The following SLC35F3 variants were observed in gnomAD, a reference collection of about 807,000 sequenced individuals.
SLC35F3 encodes solute carrier family 35 member F3.
A neutral mutation model predicts 49.9 loss-of-function variants in SLC35F3; 25 were observed. The ratio of observed to expected loss-of-function variants is 0.50; its 90% CI spans 0.37 to 0.70. The LOEUF (loss-of-function observed/expected upper bound fraction) is 0.70, where lower values mean the gene tolerates loss of function less well. Among genes scored for constraint, SLC35F3 ranks in the 30% least tolerant of loss-of-function variants. The pLI, the probability that SLC35F3 is intolerant of heterozygous loss-of-function variation, is 0.00. For missense variants in SLC35F3, 525 were observed against 639.8 expected, an observed-to-expected ratio of 0.82 and a Z score of 1.94; for synonymous variants, 275 against 265.4, an observed-to-expected ratio of 1.04 and a Z score of -0.35.
chr1:234,145,349 CCAA>C (rs1558241822), intron 2 of SLC35F3, among the ~76,000 whole-genome samples: 2 of 152,166 alleles, frequency 1.3e-5, no homozygotes, highest in African/African-American at 2.4e-5. Context: ...AACTAGTCAT[CCAA>C]CACAGTCTTC....
rs192324743 is a variant in SLC35F3 at position 233,914,055 on chromosome 1, C to G, written c.283+8297C>G. On this transcript the variant is annotated intron_variant, in intron 2 of 7. Transcript: ENST00000366618. ...GAGCAGGCACCTTTGGAATGGCTTC[C>G]CAGCTCAAGACCCCTTAACTGCCCT... Among the ~76,000 whole-genome samples the G allele has an allele frequency of 8.7e-4, 132 of 152,206 alleles. 1 individual carries two copies. Among genetic ancestry groups the G allele is most frequent in the African/African-American group, 3.0e-3 (124 of 41,522 alleles).
chr1:234,092,177 C>T (rs1301830662), intron 2 of SLC35F3, among the ~76,000 whole-genome samples: 1 of 152,200 alleles, frequency 6.6e-6, no homozygotes, highest in African/African-American at 2.4e-5. Context: ...GTTCCAAAAA[C>T]ATTCTGCCAG....
intron 3 of SLC35F3, among the ~76,000 whole-genome samples, chr1:234,273,438 G>C (rs1215907448): frequency 6.6e-6 from 1 of 152,122 alleles, no homozygotes; most frequent in East Asian, 1.9e-4. Flanking sequence ...AGTCTGTCCT[G>C]CCCCCCTATC....
chr1:234,231,369 G>C lies in SLC35F3; in HGVS notation c.284-48G>C. 1 of 1,407,268 alleles carries C rather than the reference G, an allele frequency of 7.1e-7. No homozygotes were observed. The highest frequency in any genetic ancestry group is 9.4e-7 in the Non-Finnish European group (1 of 1,063,262). The allele number at this position is 1,407,268 out of a possible 1,614,324, so 87.2% of individuals were successfully genotyped here. A position where few individuals can be genotyped will look rare whatever the true frequency, so the allele number is the denominator to read the frequency against. On this transcript the variant is annotated intron_variant, in intron 2 of 7. Transcript: ENST00000366618. The surrounding 1 kb of genome is among the most constrained non-coding windows in gnomAD (Gnocchi z 5.4). ...GCAGGGCAGCGCCCTGCGAAGTGCAGGGGTGAAGGTCTGCAGGCCCCGCTA... is the reference window on the plus strand; with the variant it reads ...GCAGGGCAGCGCCCTGCGAAGTGCACGGGTGAAGGTCTGCAGGCCCCGCTA...
In SLC35F3 at chr1:234,231,932, T is replaced by TA. The variant is rs1218207718; in HGVS notation, c.608+191_608+192insA. Among the ~76,000 whole-genome samples, 1 of 152,108 alleles carries TA rather than the reference T, an allele frequency of 6.6e-6. No homozygotes were observed. The highest frequency in any genetic ancestry group is 1.5e-5 in the Non-Finnish European group (1 of 68,014). On this transcript the variant is annotated intron_variant, in intron 3 of 7. Coordinates refer to ENST00000366618, the MANE Select transcript of SLC35F3 (RefSeq NM_173508.4). The surrounding 1 kb of genome is among the most constrained non-coding windows in gnomAD (Gnocchi z 5.4). ...CTGTCTACCCTGGGTAGTGAACGCC[T>TA]CCTTCCTCTACCTCCTGCCCCTCAG...
At chr1:234,233,554 A>C (rs1667417371) in intron 3 of SLC35F3, among the ~76,000 whole-genome samples, 1 of 152,232 alleles carries the variant, frequency 6.6e-6, no homozygotes, top group Non-Finnish European at 1.5e-5. Context: ...ATTGTGCTGA[A>C]AACCGCACAG....
At chr1:233,926,882 A>G (rs947624082) in intron 2 of SLC35F3, among the ~76,000 whole-genome samples, 4 of 151,994 alleles carry the variant, frequency 2.6e-5, no homozygotes, top group African/African-American at 9.7e-5. Context: ...TTTCCTTCTA[A>G]CAGTCAGGAC....
At chr1:233,994,833 T>A (rs1343118589) in intron 2 of SLC35F3, among the ~76,000 whole-genome samples, 1 of 151,094 alleles carries the variant, frequency 6.6e-6, no homozygotes. Context: ...TTTTTCGAGC[T>A]CTTAAACAAA....
intron 3 of SLC35F3, among the ~76,000 whole-genome samples, chr1:234,238,364 G>T (rs980096606): frequency 6.6e-6 from 1 of 152,162 alleles, no homozygotes; most frequent in Admixed American, 6.5e-5. Flanking sequence ...AATGGGCACC[G>T]GTGTCAGCAA....
At chr1:233,912,469 T>A (rs1344009740) in intron 2 of SLC35F3, among the ~76,000 whole-genome samples, 1 of 151,636 alleles carries the variant, frequency 6.6e-6, no homozygotes, top group East Asian at 1.9e-4. Flanking sequence ...AGAGTGAGAC[T>A]CCATCACAAA....
In SLC35F3 at chr1:234,106,758, C is replaced by T. The variant is rs114064522; in HGVS notation, c.284-124659C>T. On this transcript the variant is annotated intron_variant, in intron 2 of 7. Coordinates refer to ENST00000366618, the MANE Select transcript of SLC35F3 (RefSeq NM_173508.4). Reference sequence around the variant, plus strand: ...ATAGCACCTGCCCCTTTACTTTCTCCTTGAAATGTTGTCATTTGAAGATAC... The same window carrying T: ...ATAGCACCTGCCCCTTTACTTTCTCTTTGAAATGTTGTCATTTGAAGATAC... Among the ~76,000 whole-genome samples, 828 of 152,218 alleles carry T rather than the reference C, an allele frequency of 5.4e-3. 8 individuals are homozygous for T. The highest frequency in any genetic ancestry group is 0.017 in the African/African-American group (726 of 41,530).
intron 3 of SLC35F3, among the ~76,000 whole-genome samples, chr1:234,288,645 G>C (rs1668460212): frequency 6.6e-6 from 1 of 152,168 alleles, no homozygotes; most frequent in African/African-American, 2.4e-5. Context: ...CCTCTTTGCT[G>C]ATTGCTCAAC....
chr1:233,992,159 G>A (rs1233982362), intron 2 of SLC35F3, among the ~76,000 whole-genome samples: 1 of 152,248 alleles, frequency 6.6e-6, no homozygotes, highest in Non-Finnish European at 1.5e-5. Context: ...GGGATTGGTG[G>A]GCAAAGGGCA....
At chr1:234,212,599 CA>C (rs1438991193) in intron 2 of SLC35F3, 1 of 152,154 alleles carries the variant, frequency 6.6e-6, no homozygotes, top group Non-Finnish European at 1.5e-5. Flanking sequence ...GAGATAACAA[CA>C]ATCTTACAGA....
At chr1:234,216,332 G>A (rs573710758) in intron 2 of SLC35F3, among the ~76,000 whole-genome samples, 3 of 152,180 alleles carry the variant, frequency 2.0e-5, no homozygotes, top group Admixed American at 2.0e-4. Context: ...CCTTAGGCAG[G>A]ACAGGTTCGA....
chr1:233,963,426 A>G (rs1255836576), intron 2 of SLC35F3, among the ~76,000 whole-genome samples: 2 of 151,616 alleles, frequency 1.3e-5, no homozygotes, highest in South Asian at 2.1e-4. Flanking sequence ...TCAGCCTCCC[A>G]AGTAGCTGGT....
chr1:233,992,661 G>A (rs187736568), intron 2 of SLC35F3, among the ~76,000 whole-genome samples: 1 of 152,216 alleles, frequency 6.6e-6, no homozygotes, highest in Non-Finnish European at 1.5e-5. Context: ...ATCACACTGG[G>A]GATCAAATTT....
At chr1:233,971,312 T>C (rs761527060) in intron 2 of SLC35F3, among the ~76,000 whole-genome samples, 19 of 152,206 alleles carry the variant, frequency 1.2e-4, no homozygotes, top group Admixed American at 5.9e-4. Flanking sequence ...GAACCACTTC[T>C]GAGAGCTGTT....
At chr1:234,120,970 T>C (rs1665561832) in intron 2 of SLC35F3, among the ~76,000 whole-genome samples, 1 of 152,140 alleles carries the variant, frequency 6.6e-6, no homozygotes, top group African/African-American at 2.4e-5. Context: ...TTTGGTCTCT[T>C]TTGGATTCAA....
Sources: gnomAD v4.1 joint callset for allele counts (sites outside exome capture counted in the v4.1 genomes callset) on GRCh38, gnomAD v4.1.1 for gene constraint, Gnocchi (gnomAD v3.1) non-coding constraint, MANE v1.5 for transcripts, NCBI Gene and HGNC (gene_info 2026-07-23, HGNC 2026-07-21) for gene names.